PTPRG: variants seen among roughly 807,000 people sequenced by gnomAD.
The protein encoded by PTPRG is protein tyrosine phosphatase receptor type G, also known as receptor-type tyrosine-protein phosphatase gamma.
PTPRG carries 102 observed loss-of-function variants against 165.3 expected under a neutral mutation model. The ratio of observed to expected loss-of-function variants is 0.62; its 90% confidence interval spans 0.53 to 0.73. The LOEUF (loss-of-function observed/expected upper bound fraction) is 0.73. Among genes scored for constraint, PTPRG ranks in the 30% least tolerant of loss-of-function variants. The probability of loss-of-function intolerance (pLI) is 0.00; values close to 1 mark genes in which losing one functional copy is unlikely to be tolerated. For synonymous variants in PTPRG, 675 were observed against 669.5 expected (o/e 1.01, Z -0.13); for missense variants, 1,866 against 1,861.4 (o/e 1.00, Z -0.05).
At chr3:61,822,776 C>CT (rs2035992587) in intron 2 of PTPRG, among the ~76,000 whole-genome samples, 1 of 152,156 alleles carries the variant, frequency 6.6e-6, no homozygotes, top group Non-Finnish European at 1.5e-5. Flanking sequence ...GTGTAGCAAC[C>CT]TTTACCCTTT....
Position 61,904,910 on chromosome 3 carries a change from C to T in PTPRG, c.191-84715C>T, listed in dbSNP as rs1230924529. 4.8e-5 allele frequency among the ~76,000 whole-genome samples: 7 copies of T among 146,410 alleles called. No homozygotes were observed. In the East Asian group the frequency reaches 1.2e-3, roughly 25 times the overall value. On this transcript the variant is annotated intron_variant, in intron 2 of 29. Transcript: ENST00000474889. Reference sequence around the variant, plus strand: ...TGATCTTTGATTCTAATTGGAAAGCCTTTTTTTTTTTGATGCTCAAAAGTA... The same window carrying T: ...TGATCTTTGATTCTAATTGGAAAGCTTTTTTTTTTTTGATGCTCAAAAGTA...
At chr3:61,658,126 A>C (rs1302423658) in intron 1 of PTPRG, among the ~76,000 whole-genome samples, 1 of 152,198 alleles carries the variant, frequency 6.6e-6, no homozygotes, top group Non-Finnish European at 1.5e-5. Flanking sequence ...TTGAATCTGC[A>C]TGTACTGTTC....
chr3:61,585,309 G>C (rs910025948), intron 1 of PTPRG, among the ~76,000 whole-genome samples: 4 of 149,144 alleles, frequency 2.7e-5, no homozygotes, highest in Non-Finnish European at 5.9e-5. Flanking sequence ...GAAAAAGGAA[G>C]AAAAGAAAAT....
chr3:62,291,048 A>G (rs1327988215), intron 28 of PTPRG, among the ~76,000 whole-genome samples: 2 of 152,164 alleles, frequency 1.3e-5, no homozygotes, highest in Non-Finnish European at 2.9e-5. Context: ...ATTTTGGAAG[A>G]GGCAAACTTA....
At chr3:62,046,446 G>A (rs889928840) in intron 4 of PTPRG, among the ~76,000 whole-genome samples, 1 of 152,128 alleles carries the variant, frequency 6.6e-6, no homozygotes, top group South Asian at 2.1e-4. Flanking sequence ...AGTACCTTAT[G>A]TATACACTTC....
At chr3:61,757,878 A>G (rs919304577) in intron 2 of PTPRG, among the ~76,000 whole-genome samples, 1 of 152,184 alleles carries the variant, frequency 6.6e-6, no homozygotes, top group African/African-American at 2.4e-5. Flanking sequence ...GTGGAAGGAC[A>G]TGATTAATTT....
rs1699754990 is a variant in PTPRG at position 61,561,705 on chromosome 3, TTG to T, written c.-579_-578del. ...CGCCCCAGCGCCCCTCTGAGATCCT[TTG>T]TGTTTTCCTCCGTTTCCTCCGGCCG... On this transcript the variant is annotated 5_prime_UTR_variant, in exon 1 of 30. An upstream open reading frame in the 5' UTR gains an earlier in-frame stop. Coordinates refer to ENST00000474889, the MANE Select transcript of PTPRG (RefSeq NM_002841.4). 1 of 152,732 alleles carries T rather than the reference TTG, an allele frequency of 6.5e-6. No homozygotes were observed. Among genetic ancestry groups the T allele is most frequent in the South Asian group, 2.1e-4 (1 of 4,834 alleles). 9.5% of individuals were successfully genotyped at this position (152,732 alleles called of 1,614,324 possible).
chr3:61,669,065 C>T (rs1298174842), intron 1 of PTPRG, among the ~76,000 whole-genome samples: 7 of 152,228 alleles, frequency 4.6e-5, no homozygotes, highest in East Asian at 3.9e-4. Flanking sequence ...CTGTGCATTG[C>T]GTTTGTATTA....
intron 1 of PTPRG, among the ~76,000 whole-genome samples, chr3:61,723,857 T>A (rs2032149037): frequency 6.6e-6 from 1 of 152,216 alleles, no homozygotes; most frequent in African/African-American, 2.4e-5. Context: ...TACCCCTTTA[T>A]AATTGCAAAC....
rs760285845 is a variant in PTPRG at position 61,562,270 on chromosome 3, C to A, written c.-18C>A. On this transcript the variant is annotated 5_prime_UTR_variant, in exon 1 of 30. Transcript: ENST00000474889. ...GTTTACCTCCCTGCTTTCCTCTTTT[C>A]GATGTGCGTTTTCGGACATGCGGAG... is the stretch of plus-strand genomic sequence containing the variant. The A allele has an allele frequency of 7.5e-6, 12 of 1,610,272 alleles. No homozygotes were observed. The East Asian group carries it at 2.5e-4, about 33-fold the overall frequency.
intron 2 of PTPRG, among the ~76,000 whole-genome samples, chr3:61,890,405 GTTCT>G (rs2038176802): frequency 9.2e-6 from 1 of 108,790 alleles, no homozygotes; most frequent in Admixed American, 9.0e-5. Context: ...CGGGTTTCTT[GTTCT>G]TTGTTTTTTT....
In PTPRG at chr3:62,203,090, T is replaced by G; in HGVS notation, c.1378-83T>G. On this transcript the variant is annotated intron_variant, in intron 11 of 29. Coordinates refer to ENST00000474889, the MANE Select transcript of PTPRG (RefSeq NM_002841.4). The surrounding 1 kb of genome is among the most constrained non-coding windows in gnomAD (Gnocchi z 6.4). ...TCCTCAGAGGGTGACAACCAGGGCC[T>G]CATTCCCAATCTCAATTACTGATGC... 6.6e-7 allele frequency: 1 copy of G among 1,513,930 alleles called. No homozygotes were observed. The highest frequency in any genetic ancestry group is 8.8e-7 in the Non-Finnish European group (1 of 1,131,656). 93.8% of individuals were successfully genotyped at this position (1,513,930 alleles called of 1,614,324 possible).
chr3:62,278,659 T>C (rs1702321390), intron 26 of PTPRG, among the ~76,000 whole-genome samples: 1 of 152,058 alleles, frequency 6.6e-6, no homozygotes, highest in Admixed American at 6.6e-5. Flanking sequence ...TTTGACTGTG[T>C]GCCCAGTCAG....
Position 62,224,696 on chromosome 3 carries a change from G to A in PTPRG, c.2288+5713G>A, listed in dbSNP as rs1287442931. Among the ~76,000 whole-genome samples, 1 of 152,166 alleles carries A rather than the reference G, an allele frequency of 6.6e-6. No homozygotes were observed. Among genetic ancestry groups the A allele is most frequent in the African/African-American group, 2.4e-5 (1 of 41,448 alleles). ...ACTAAAAACCATGAGCAGAAACCTC[G>A]GATACCTGTATGTCTGAGAGACCTC... is the stretch of plus-strand genomic sequence containing the variant. On this transcript the variant is annotated intron_variant, in intron 13 of 29. Coordinates refer to ENST00000474889, the MANE Select transcript of PTPRG (RefSeq NM_002841.4). This position sits in a 1 kb window ranked among gnomAD's most constrained non-coding sequence, Gnocchi z 4.9.
intron 8 of PTPRG, among the ~76,000 whole-genome samples, chr3:62,181,240 G>A (rs571012530): frequency 9.2e-5 from 14 of 152,262 alleles, no homozygotes; most frequent in African/African-American, 2.9e-4. Context: ...AGAAGGTGGC[G>A]GGCTAGCCAG....
At chr3:61,958,050 TTTATTA>T (rs1015721191) in intron 2 of PTPRG, among the ~76,000 whole-genome samples, 1 of 152,176 alleles carries the variant, frequency 6.6e-6, no homozygotes, top group African/African-American at 2.4e-5. Flanking sequence ...CATGTTAGAC[TTTATTA>T]TTATTATTAC....
At chr3:61,608,977 A>G (rs1173473861) in intron 1 of PTPRG, among the ~76,000 whole-genome samples, 2 of 152,192 alleles carry the variant, frequency 1.3e-5, no homozygotes, top group Admixed American at 1.3e-4. Context: ...CAGCATGAGG[A>G]GTGGCAGGAG....
chr3:61,989,601 T>G, intron 2 of PTPRG, 24 bp from the exon 3 acceptor site: 1 of 1,606,964 alleles, frequency 6.2e-7, no homozygotes, highest in Non-Finnish European at 8.5e-7. Flanking sequence ...CCATGAGGAT[T>G]GAAGTGTTGT....
chr3:61,676,600 C>T (rs1703242116), intron 1 of PTPRG, among the ~76,000 whole-genome samples: 1 of 151,828 alleles, frequency 6.6e-6, no homozygotes, highest in Admixed American at 6.6e-5. Context: ...ATTTTTATTG[C>T]CCGATGTCTT....
Sources: gnomAD v4.1 joint callset for allele counts (sites outside exome capture counted in the v4.1 genomes callset) on GRCh38, gnomAD v4.1.1 for gene constraint, Gnocchi (gnomAD v3.1) non-coding constraint, MANE v1.5 for transcripts, NCBI Gene and HGNC (gene_info 2026-07-23, HGNC 2026-07-21) for gene names.